The following ENPP2 variants were observed in gnomAD, a reference collection of about 807,000 sequenced individuals.
ENPP2 encodes ectonucleotide pyrophosphatase/phosphodiesterase 2, also known as autotaxin.
A neutral mutation model predicts 120.2 loss-of-function variants in ENPP2; 51 were observed. The ratio of observed to expected loss-of-function variants is 0.42; its 90% CI spans 0.34 to 0.54. ENPP2 has a LOEUF of 0.54. Ranked by LOEUF, ENPP2 falls within the 20% of genes least tolerant of loss-of-function variation. ENPP2 has a pLI of 0.04. For missense variants in ENPP2, 920 were observed against 1,066.5 expected, an observed-to-expected ratio of 0.86 and a Z score of 1.91; for synonymous variants, 365 against 366.4, an observed-to-expected ratio of 1.00 and a Z score of 0.04.
intron 18 of ENPP2, 37 bp downstream of exon 18, chr8:119,582,381 C>G: frequency 1.3e-6 from 2 of 1,562,134 alleles, no homozygotes; most frequent in Non-Finnish European, 1.8e-6. Context: ...AGCCACCCAA[C>G]AAACTTCTCC....
At chr8:119,581,498 C>G (rs1812734383) in intron 18 of ENPP2, among the ~76,000 whole-genome samples, 1 of 152,020 alleles carries the variant, frequency 6.6e-6, no homozygotes, top group Non-Finnish European at 1.5e-5. Context: ...GTAGCACTCT[C>G]CTATCTGGGA....
In ENPP2 at chr8:119,633,781, TCTCTC is replaced by T. The variant is rs567462420; in HGVS notation, c.136+4639_136+4643del. 1.5e-4 allele frequency among the ~76,000 whole-genome samples: 23 copies of T among 152,166 alleles called. No homozygotes were observed. The South Asian group carries it at 2.1e-3, about 14-fold the overall frequency. ...ATATCCATTACTGCAACATCACTGT[TCTCTC>T]CTCTTCACAGCTGCTAGGCCAGATT... On this transcript the variant is annotated intron_variant, in intron 2 of 24. Transcript: ENST00000075322.
upstream of ENPP2, among the ~76,000 whole-genome samples, chr8:119,640,627 C>T (rs1047078444): frequency 6.6e-6 from 1 of 152,176 alleles, no homozygotes; most frequent in African/African-American, 2.4e-5. Flanking sequence ...ATTTATTTTT[C>T]TCTTATATGC....
At chr8:119,632,614 A>G (rs924621723) in intron 2 of ENPP2, among the ~76,000 whole-genome samples, 11 of 152,250 alleles carry the variant, frequency 7.2e-5, no homozygotes. Context: ...TATTTTTCAC[A>G]GAAGCATAAT....
At chr8:119,661,920 A>G (rs1172006519) in intron 1 of ENPP2, among the ~76,000 whole-genome samples, 1 of 152,200 alleles carries the variant, frequency 6.6e-6, no homozygotes, top group African/African-American at 2.4e-5. Flanking sequence ...AGCCAGGCAC[A>G]GAAAGACAAA....
At position 119,580,181 on chromosome 8, in the gene ENPP2, A is replaced by C. The variant is rs1466286907; in HGVS notation, c.1729-14T>G. On this transcript the variant is annotated splice_polypyrimidine_tract_variant and intron_variant, in intron 18 of 24. Transcript: ENST00000075322. ...ATCCAACTTGTTCTTCATGTGTGAA[A>C]ACCAGTAAAGGAAAAAAGAAAGCAA... 6.2e-7 allele frequency: 1 copy of C among 1,608,860 alleles called. No homozygotes were observed. Among genetic ancestry groups the C allele is most frequent in the Non-Finnish European group, 8.5e-7 (1 of 1,175,184 alleles).
intron 9 of ENPP2, among the ~76,000 whole-genome samples, chr8:119,606,237 G>C (rs574483591): frequency 6.6e-6 from 1 of 152,146 alleles, no homozygotes; most frequent in Admixed American, 6.5e-5. Context: ...TAAAATAATA[G>C]TCTGAGAAGC....
intron 11 of ENPP2, among the ~76,000 whole-genome samples, chr8:119,594,335 T>G (rs1256641707): frequency 3.9e-5 from 6 of 152,190 alleles, no homozygotes; most frequent in Non-Finnish European, 7.4e-5. Context: ...ATTAATACAA[T>G]GAGATCCATC....
At chr8:119,608,047 A>G in intron 8 of ENPP2, 70 bp from the exon 9 acceptor site, 1 of 1,006,434 alleles carries the variant, frequency 9.9e-7, no homozygotes, top group Non-Finnish European at 1.5e-6. Flanking sequence ...AGTTTTTAAA[A>G]TACATTAGAT....
chr8:119,561,817 G>T (rs868275894), intron 24 of ENPP2, among the ~76,000 whole-genome samples: 5 of 133,560 alleles, frequency 3.7e-5, no homozygotes, highest in South Asian at 2.4e-4. Context: ...GTGTGTGTTT[G>T]TGTGTGTGTG....
At chr8:119,579,274 A>T (rs1812561122) in intron 19 of ENPP2, among the ~76,000 whole-genome samples, 1 of 152,060 alleles carries the variant, frequency 6.6e-6, no homozygotes, top group Admixed American at 6.6e-5. Flanking sequence ...TGCAGGATAG[A>T]GTCCCCGTGG....
Position 119,564,495 on chromosome 8 carries a change from T to C in ENPP2, c.2264+328A>G, listed in dbSNP as rs1000308682. 2.0e-5 allele frequency among the ~76,000 whole-genome samples: 3 copies of C among 151,764 alleles called. No homozygotes were observed. The East Asian group carries it at 5.8e-4, about 29-fold the overall frequency. ...GAGTTCAAGACCAGCCTGGCCAACA[T>C]GGTGAAACCCCGTCTCTGCTAAAAA... On this transcript the variant is annotated intron_variant, in intron 23 of 24. Transcript: ENST00000075322.
intron 1 of ENPP2, among the ~76,000 whole-genome samples, chr8:119,649,413 AAAG>A (rs1817565847): frequency 6.6e-6 from 1 of 151,430 alleles, no homozygotes; most frequent in African/African-American, 2.4e-5. Context: ...AAAAAAAAAA[AAAG>A]AAAAGAAAAG....
intron 8 of ENPP2, among the ~76,000 whole-genome samples, chr8:119,615,103 C>T (rs76563455): frequency 0.057 from 8,698 of 151,902 alleles, 743 homozygotes; most frequent in African/African-American, 0.19. Flanking sequence ...ATTTATAGTC[C>T]TTATTTTGTC....
chr8:119,587,194 G>A (rs1813176141), intron 13 of ENPP2, 119 bp from the exon 14 acceptor site: 2 of 824,310 alleles, frequency 2.4e-6, no homozygotes, highest in African/African-American at 3.4e-5. Context: ...TATCACTTTA[G>A]TGTTTTGTTT....
At chr8:119,617,343 T>C (rs1189171565) in intron 6 of ENPP2, 100 bp from the exon 7 acceptor site, 6 of 1,166,038 alleles carry the variant, frequency 5.1e-6, no homozygotes, top group East Asian at 2.4e-5. Flanking sequence ...CCTTCACTTC[T>C]GTATTTCAAA....
intron 17 of ENPP2, 72 bp from the exon 18 acceptor site, chr8:119,582,674 C>T (rs1474677068): frequency 1.0e-5 from 11 of 1,099,866 alleles, no homozygotes; most frequent in Non-Finnish European, 1.4e-5. Flanking sequence ...GATTTAAAAC[C>T]CTTCACCTTC....
At chr8:119,611,412 G>T (rs997322484) in intron 8 of ENPP2, among the ~76,000 whole-genome samples, 2 of 151,434 alleles carry the variant, frequency 1.3e-5, no homozygotes, top group African/African-American at 4.9e-5. Flanking sequence ...TAAGGGTGTG[G>T]GGGTTGGGGG....
chr8:119,667,805 C>T (rs150198103), intron 1 of ENPP2, among the ~76,000 whole-genome samples: 1 of 152,346 alleles, frequency 6.6e-6, no homozygotes, highest in Non-Finnish European at 1.5e-5. Context: ...TTACAAGCTT[C>T]ATTGGCTCCC....
Sources: allele counts gnomAD v4.1 joint callset (sites outside exome capture counted in the v4.1 genomes callset), GRCh38; gene constraint gnomAD v4.1.1; transcripts MANE v1.5; gene names NCBI Gene and HGNC (gene_info 2026-07-23, HGNC 2026-07-21).